The following CEP104 variants were observed in gnomAD, a reference collection of about 807,000 sequenced individuals.
CEP104 encodes centrosomal protein of 104 kDa.
CEP104 carries 84 observed loss-of-function variants against 113.3 expected under a neutral mutation model. The observed-to-expected ratio is 0.74, with a 90% CI of 0.62 to 0.89. CEP104 has a LOEUF of 0.89. Ranked by LOEUF, CEP104 falls within the 40% of genes least tolerant of loss-of-function variation. CEP104 has a pLI of 0.00. For synonymous variants in CEP104, 378 were observed against 421.7 expected (o/e 0.90, Z 1.27); for missense variants, 1,053 against 1,156.6 (o/e 0.91, Z 1.30).
chr1:3,845,408 C>G, intron 4 of CEP104, 57 bp from the exon 5 acceptor site: 1 of 1,259,986 alleles, frequency 7.9e-7, no homozygotes, highest in East Asian at 2.3e-5. Flanking sequence ...TGACTTAACC[C>G]TTTTATTTAC....
rs1644027171 is a variant in CEP104 at position 3,823,693 on chromosome 1, G to A, written c.2365-131C>T. On this transcript the variant is annotated intron_variant, in intron 18 of 21. Transcript: ENST00000378230. This position sits in a 1 kb window ranked among gnomAD's most constrained non-coding sequence, Gnocchi z 4.1. ...CCGCCTGCACATGAAGTAAGCCACA[G>A]GCTTCTATCTTCGGCATTTGCCCAC... 1 of 1,082,704 alleles carries A rather than the reference G, an allele frequency of 9.2e-7. No individual in the cohort carries two copies. The highest frequency in any genetic ancestry group is 1.5e-5 in the South Asian group (1 of 68,170). The allele number at this position is 1,082,704 out of a possible 1,614,324, so 67.1% of individuals were successfully genotyped here.
chr1:3,838,818 A>T (rs968205329), intron 8 of CEP104, 146 bp downstream of exon 8: 1 of 838,200 alleles, frequency 1.2e-6, no homozygotes, highest in African/African-American at 1.7e-5. Flanking sequence ...GTAGGCACAG[A>T]GCTGAGGCCA....
chr1:3,849,108 G>A (rs1274159503), intron 2 of CEP104, among the ~76,000 whole-genome samples: 1 of 152,034 alleles, frequency 6.6e-6, no homozygotes, highest in Non-Finnish European at 1.5e-5. Context: ...GCACTAGTGG[G>A]CAGGACGGAG....
chr1:3,829,611 G>A, intron 14 of CEP104, 180 bp downstream of exon 14: 1 of 710,794 alleles, frequency 1.4e-6, no homozygotes. Context: ...GGGTCTCACT[G>A]GCAGAAAGTG....
rs766732651 is a variant in CEP104 at position 3,826,408 on chromosome 1, A to G, written c.2217T>C (p.Ala739=). 5.6e-6 allele frequency: 9 copies of G among 1,613,936 alleles called. No individual in the cohort carries two copies. In the African/African-American group the frequency reaches 9.3e-5, roughly 17 times the overall value. The change falls in exon 17 of 22, where the codon GCT becomes GCC. Residue 739 remains alanine, a synonymous_variant. Transcript: ENST00000378230. ...QDIQGGKAAP[A]EALGIPDEHY... The stretch of plus-strand genomic sequence containing the variant: ...GCTCATCCGGGATTCCCAGAGCTTC[A>G]GCAGGGGCTGCTTTCCCTCCTTGAA...
chr1:3,845,519 C>A lies in CEP104; in HGVS notation c.427-168G>T, dbSNP rs1644490867. On this transcript the variant is annotated intron_variant, in intron 4 of 21. Coordinates refer to ENST00000378230, the MANE Select transcript of CEP104 (RefSeq NM_014704.4). Reference sequence around the variant, plus strand: ...CCTCCCGGGCTCAAGGGATCCTTCACCTTAGCTGCCCTGGTAGCTGGGACT... The same window carrying A: ...CCTCCCGGGCTCAAGGGATCCTTCAACTTAGCTGCCCTGGTAGCTGGGACT... Among the ~76,000 whole-genome samples the A allele has an allele frequency of 3.9e-5, 6 of 152,084 alleles. No homozygotes were observed. The South Asian group carries it at 1.2e-3, about 32-fold the overall frequency.
intron 2 of CEP104, among the ~76,000 whole-genome samples, chr1:3,849,321 G>A (rs1043517391): frequency 3.3e-5 from 5 of 151,232 alleles, no homozygotes; most frequent in East Asian, 1.9e-4. Context: ...AGGCTGCAGC[G>A]GTGTGATTAT....
chr1:3,822,622 T>C lies in CEP104; in HGVS notation c.2571+552A>G, dbSNP rs149718433. Among the ~76,000 whole-genome samples, 113 of 152,188 alleles carry C rather than the reference T, an allele frequency of 7.4e-4. 2 individuals are homozygous for C. The East Asian group carries it at 0.019, about 25-fold the overall frequency. On this transcript the variant is annotated intron_variant, in intron 20 of 21. Transcript: ENST00000378230. ...ATTGCCACGGAGCCTTGCACGCCCA[T>C]GTCCCTCCTCGTCGCCTCCAATGCC...
intron 5 of CEP104, 25 bp downstream of exon 5, chr1:3,845,263 TA>T: frequency 6.8e-7 from 1 of 1,481,196 alleles, no homozygotes; most frequent in Non-Finnish European, 9.3e-7. Context: ...TTTACTTCCT[TA>T]GGAATTAAAA....
At chr1:3,816,246 C>T (rs774367959) in intron 21 of CEP104, 34 bp downstream of exon 21, 1 of 1,517,766 alleles carries the variant, frequency 6.6e-7, no homozygotes, top group Admixed American at 2.1e-5. Context: ...TGGAGGGATG[C>T]AGACTACACC....
rs758318670 is a variant in CEP104, at chr1:3,833,974, T to G, written c.1547A>C (p.Lys516Thr). ...GTGAGCTGTTTCAAGTTTACTCAGT[T>G]TATGTTTAGGAATATATTGTGTAAT... ...MIITQYIPKH[K>T]LSKLETAHCV... The change falls in exon 12 of 22, where the codon AAA becomes ACA. Residue 516 changes from lysine (K) to threonine (T), a missense_variant. Coordinates refer to ENST00000378230, the MANE Select transcript of CEP104 (RefSeq NM_014704.4). 4 of 1,613,590 alleles carry G rather than the reference T, an allele frequency of 2.5e-6. No homozygotes were observed. Among genetic ancestry groups the G allele is most frequent in the Middle Eastern group, 1.6e-4 (1 of 6,062 alleles).
intron 20 of CEP104, among the ~76,000 whole-genome samples, chr1:3,818,142 C>T (rs1643908498): frequency 2.0e-5 from 3 of 152,232 alleles, no homozygotes; most frequent in Admixed American, 1.3e-4. Flanking sequence ...CTCCAGGACG[C>T]CACCCTCGTC....
At chr1:3,826,325 G>A in intron 17 of CEP104, 45 bp downstream of exon 17, 1 of 1,550,008 alleles carries the variant, frequency 6.5e-7, no homozygotes, top group Non-Finnish European at 8.9e-7. Flanking sequence ...TGTGTGGCTG[G>A]TTGCCCTGAC....
In CEP104 at chr1:3,830,833, A is replaced by G. The variant is rs184178012; in HGVS notation, c.1836+213T>C. On this transcript the variant is annotated intron_variant, in intron 13 of 21. Transcript: ENST00000378230. ...TTTTTTATGATTTGTTTCTCTCCAC[A>G]GATAAAGATCTGCACACACCATGCA... Among the ~76,000 whole-genome samples the G allele has an allele frequency of 5.9e-3, 897 of 152,072 alleles. 10 individuals are homozygous for G. Among genetic ancestry groups the G allele is most frequent in the African/African-American group, 0.02 (835 of 41,492 alleles).
intron 6 of CEP104, chr1:3,843,071 C>A: frequency 1.8e-6 from 1 of 542,262 alleles, no homozygotes; most frequent in Non-Finnish European, 3.4e-6. Flanking sequence ...TACAGGCGTG[C>A]GACATAACGC....
chr1:3,822,460 G>C (rs1643996139), intron 20 of CEP104, among the ~76,000 whole-genome samples: 1 of 152,250 alleles, frequency 6.6e-6, no homozygotes, highest in Non-Finnish European at 1.5e-5. Flanking sequence ...GCAGGTGGCA[G>C]GAGCTAAGGA....
At chr1:3,816,529 A>G (rs1490748091) in intron 20 of CEP104, 159 bp from the exon 21 acceptor site, 14 of 595,908 alleles carry the variant, frequency 2.3e-5, no homozygotes, top group Non-Finnish European at 4.2e-5. Context: ...CTCCCTTCGG[A>G]TATGTTATGA....
chr1:3,831,271 G>C, intron 12 of CEP104, 49 bp from the exon 13 acceptor site: 1 of 1,539,722 alleles, frequency 6.5e-7, no homozygotes, highest in Non-Finnish European at 9.0e-7. Flanking sequence ...AATGCTGGAG[G>C]CAGTTTAGTA....
chr1:3,857,203 C>A lies in CEP104; in HGVS notation c.-329G>T, dbSNP rs1425203795. ...AGCCTCCACTCTCATGACAACCAAGCCCAGCCCTGGGCCAGGGCCTCTGCG... is the reference window on the plus strand; with the variant it reads ...AGCCTCCACTCTCATGACAACCAAGACCAGCCCTGGGCCAGGGCCTCTGCG... On this transcript the variant is annotated 5_prime_UTR_variant, in exon 1 of 22. Coordinates refer to ENST00000378230, the MANE Select transcript of CEP104 (RefSeq NM_014704.4). 6.2e-6 allele frequency: 1 copy of A among 162,004 alleles called. No individual in the cohort carries two copies. Among genetic ancestry groups the A allele is most frequent in the Non-Finnish European group, 1.3e-5 (1 of 74,796 alleles). The allele number at this position is 162,004 out of a possible 1,614,324, so 10.0% of individuals were successfully genotyped here. A position where few individuals can be genotyped will look rare whatever the true frequency, so the allele number is the denominator to read the frequency against.
Sources: allele counts gnomAD v4.1 joint callset (sites outside exome capture counted in the v4.1 genomes callset), GRCh38; gene constraint gnomAD v4.1.1; non-coding constraint Gnocchi (gnomAD v3.1); transcripts MANE v1.5; gene names NCBI Gene and HGNC (gene_info 2026-07-23, HGNC 2026-07-21).